PARD3B: variants seen among roughly 807,000 people sequenced by gnomAD.
PARD3B encodes par-3 family cell polarity regulator beta, also known as partitioning defective 3 homolog B.
PARD3B carries 103 observed loss-of-function variants against 130.2 expected under a neutral mutation model. The observed-to-expected ratio is 0.79, with a 90% confidence interval of 0.67 to 0.93. The LOEUF is 0.93. Among genes scored for constraint, PARD3B ranks in the 40% least tolerant of loss-of-function variants. The pLI is 0.00. For missense variants in PARD3B, 1,609 were observed against 1,499.2 expected, an observed-to-expected ratio of 1.07 and a Z score of -1.21; for synonymous variants, 583 against 553.2, an observed-to-expected ratio of 1.05 and a Z score of -0.76.
At chr2:205,517,529 A>G (rs1344093809) in intron 21 of PARD3B, among the ~76,000 whole-genome samples, 8 of 152,126 alleles carry the variant, frequency 5.3e-5, no homozygotes, top group Non-Finnish European at 1.2e-4. Context: ...TCAAAAAAAC[A>G]ACTTCTGGAA....
At chr2:204,789,717 G>T (rs1368382842) in intron 2 of PARD3B, among the ~76,000 whole-genome samples, 1 of 151,946 alleles carries the variant, frequency 6.6e-6, no homozygotes, top group Non-Finnish European at 1.5e-5. Flanking sequence ...GAAATTTTTA[G>T]TCTGTTACAT....
rs186755520 is a variant in PARD3B, at chr2:205,618,161, G to T, written c.*2348G>T. The T allele has an allele frequency of 6.6e-6, 1 of 152,246 alleles. No homozygotes were observed. Among genetic ancestry groups the T allele is most frequent in the Non-Finnish European group, 1.5e-5 (1 of 68,048 alleles). The allele number at this position is 152,246 out of a possible 1,614,324, so 9.4% of individuals were successfully genotyped here. On this transcript the variant is annotated 3_prime_UTR_variant, in exon 23 of 23. Coordinates refer to ENST00000406610, the MANE Select transcript of PARD3B (RefSeq NM_001302769.2). ...CTAATCCTGAATGGCAGCCAGTGAT[G>T]TGAAGGTACTATTAAAGTGAACAAA...
chr2:204,734,872 G>A (rs1385448246), intron 2 of PARD3B, among the ~76,000 whole-genome samples: 1 of 151,792 alleles, frequency 6.6e-6, no homozygotes, highest in African/African-American at 2.4e-5. Context: ...CACTGAAATG[G>A]GTGCATTTTA....
rs1489484654 is a variant in PARD3B, at chr2:205,568,006, G to A, written c.3260+14603G>A. On this transcript the variant is annotated intron_variant, in intron 22 of 22. Coordinates refer to ENST00000406610, the MANE Select transcript of PARD3B (RefSeq NM_001302769.2). The surrounding 1 kb of genome is among the most constrained non-coding windows in gnomAD (Gnocchi z 5.3). ...TAACTTTTGGTCCCATTTGTCATTG[G>A]TTAAGAGTTGTTCCTAAGATATCAA... Among the ~76,000 whole-genome samples the A allele has an allele frequency of 6.6e-6, 1 of 152,172 alleles. No individual in the cohort carries two copies. Among genetic ancestry groups the A allele is most frequent in the Middle Eastern group, 3.2e-3 (1 of 316 alleles).
intron 15 of PARD3B, among the ~76,000 whole-genome samples, chr2:205,197,914 G>C (rs1051748636): frequency 2.9e-4 from 44 of 152,182 alleles, no homozygotes; most frequent in African/African-American, 9.9e-4. Flanking sequence ...TTGGCCTTTG[G>C]CATAGGGTTT....
At chr2:204,918,848 T>G (rs531353630) in intron 2 of PARD3B, among the ~76,000 whole-genome samples, 13 of 152,068 alleles carry the variant, frequency 8.5e-5, no homozygotes, top group South Asian at 4.1e-4. Context: ...TCCCAAGTAC[T>G]TGATAGTTCG....
chr2:204,646,378 A>G (rs1327946668), intron 1 of PARD3B, among the ~76,000 whole-genome samples: 1 of 152,112 alleles, frequency 6.6e-6, no homozygotes, highest in East Asian at 1.9e-4. Context: ...TTTGAACTGT[A>G]TATGAATGTA....
intron 21 of PARD3B, among the ~76,000 whole-genome samples, chr2:205,551,580 A>G (rs191732477): frequency 1.3e-5 from 2 of 152,274 alleles, no homozygotes; most frequent in African/African-American, 2.4e-5. Context: ...GATGAAATAT[A>G]AAGAGGTTTT....
intron 4 of PARD3B, among the ~76,000 whole-genome samples, chr2:205,063,801 A>G (rs1047662617): frequency 1.3e-5 from 2 of 152,218 alleles, no homozygotes; most frequent in African/African-American, 2.4e-5. Context: ...AATAGAACAT[A>G]TAAGAGATGT....
At chr2:205,027,324 A>G (rs1290034687) in intron 3 of PARD3B, among the ~76,000 whole-genome samples, 1 of 151,972 alleles carries the variant, frequency 6.6e-6, no homozygotes, top group African/African-American at 2.4e-5. Context: ...GATGTTGTGC[A>G]CCTTTTTATA....
chr2:204,594,793 C>T (rs980378217), intron 1 of PARD3B, among the ~76,000 whole-genome samples: 10 of 152,004 alleles, frequency 6.6e-5, no homozygotes, highest in Non-Finnish European at 1.5e-4. Flanking sequence ...CAGAAAATAA[C>T]GTATAACAAA....
At chr2:204,771,240 C>G (rs2041362866) in intron 2 of PARD3B, among the ~76,000 whole-genome samples, 1 of 151,586 alleles carries the variant, frequency 6.6e-6, no homozygotes, top group Admixed American at 6.6e-5. Context: ...TCTTGAGTTC[C>G]TCAGTTGGAG....
chr2:205,450,561 C>T (rs1330534787), intron 20 of PARD3B, among the ~76,000 whole-genome samples: 1 of 149,326 alleles, frequency 6.7e-6, no homozygotes, highest in Non-Finnish European at 1.5e-5. Context: ...GCAACCTCCG[C>T]CTCCCAGGTT....
intron 22 of PARD3B, among the ~76,000 whole-genome samples, chr2:205,583,322 A>G (rs1280096191): frequency 6.6e-6 from 1 of 152,150 alleles, no homozygotes; most frequent in Non-Finnish European, 1.5e-5. Context: ...GGAAGGAATT[A>G]GGAAACGCTG....
At chr2:204,651,472 G>T (rs1023095723) in intron 1 of PARD3B, among the ~76,000 whole-genome samples, 1 of 152,254 alleles carries the variant, frequency 6.6e-6, no homozygotes, top group African/African-American at 2.4e-5. Context: ...GGTGCAAGAG[G>T]TGAGTTCCCA....
intron 21 of PARD3B, among the ~76,000 whole-genome samples, chr2:205,509,709 C>T (rs1251333578): frequency 2.0e-5 from 3 of 152,250 alleles, no homozygotes; most frequent in Admixed American, 6.5e-5. Context: ...TGCTACTACA[C>T]TAGCCTCTGG....
intron 12 of PARD3B, among the ~76,000 whole-genome samples, chr2:205,173,793 T>C (rs1313468159): frequency 1.3e-5 from 2 of 152,204 alleles, no homozygotes; most frequent in Non-Finnish European, 2.9e-5. Context: ...ATAACACCCT[T>C]ATCTGCCACT....
chr2:204,984,911 C>T (rs77803211), intron 3 of PARD3B, among the ~76,000 whole-genome samples: 2 of 151,742 alleles, frequency 1.3e-5, no homozygotes, highest in African/African-American at 4.8e-5. Context: ...CACTGCCCAC[C>T]CCCCCGCACC....
chr2:205,178,208 A>T (rs1266338378), intron 13 of PARD3B, among the ~76,000 whole-genome samples: 1 of 108,812 alleles, frequency 9.2e-6, no homozygotes, highest in Non-Finnish European at 2.0e-5. Context: ...CATGCCTGTA[A>T]TCCCAGCTAC....
Sources: allele counts gnomAD v4.1 joint callset (sites outside exome capture counted in the v4.1 genomes callset), GRCh38; gene constraint gnomAD v4.1.1; non-coding constraint Gnocchi (gnomAD v3.1); transcripts MANE v1.5; gene names NCBI Gene and HGNC (gene_info 2026-07-23, HGNC 2026-07-21).